The following RNF4 variants were observed in gnomAD, a reference collection of about 807,000 sequenced individuals.
RNF4 encodes the protein E3 ubiquitin-protein ligase RNF4.
A neutral mutation model predicts 24.3 loss-of-function variants in RNF4; 7 were observed. The observed-to-expected ratio is 0.29, with a 90% CI of 0.16 to 0.54. RNF4 has a LOEUF of 0.54. Ranked by LOEUF, RNF4 falls within the 20% of genes least tolerant of loss-of-function variation. The pLI, the probability that RNF4 is intolerant of heterozygous loss-of-function variation, is 0.95. For synonymous variants in RNF4, 83 were observed against 84.3 expected, an observed-to-expected ratio of 0.98 and a Z score of 0.09; for missense variants, 209 against 248.5, an observed-to-expected ratio of 0.84 and a Z score of 1.07.
At chr4:2,497,365 A>C in intron 3 of RNF4, 13 of 313,620 alleles carry the variant, frequency 4.1e-5, no homozygotes, top group East Asian at 1.7e-4. Context: ...CGCAAATGAG[A>C]TAGCCCACCT....
At position 2,514,448 on chromosome 4, in the gene RNF4, AT is replaced by A. The variant is rs1280613754; in HGVS notation, c.*631del. On this transcript the variant is annotated 3_prime_UTR_variant, in exon 8 of 8. Transcript: ENST00000314289. ...AGAACGAAAAAGTGCAATAAAGGCCATTCGTTACCTACTTTTCAGCAGCCCA... is the reference window on the plus strand; with the variant it reads ...AGAACGAAAAAGTGCAATAAAGGCCATCGTTACCTACTTTTCAGCAGCCCA... The A allele has an allele frequency of 3.9e-5, 6 of 154,634 alleles. No homozygotes were observed. Among genetic ancestry groups the A allele is most frequent in the Non-Finnish European group, 7.2e-5 (5 of 69,382 alleles). 9.6% of individuals were successfully genotyped at this position (154,634 alleles called of 1,614,324 possible).
At chr4:2,482,110 TAGA>T (rs1190595310) in intron 1 of RNF4, among the ~76,000 whole-genome samples, 1 of 152,174 alleles carries the variant, frequency 6.6e-6, no homozygotes, top group East Asian at 1.9e-4. Flanking sequence ...TGACTAAGAG[TAGA>T]AGAACATGTC....
chr4:2,515,059 G>A lies in RNF4; in HGVS notation c.*1240G>A, dbSNP rs1203525827. 1 of 4,856 alleles carries A rather than the reference G, an allele frequency of 2.1e-4. No homozygotes were observed. The highest frequency in any genetic ancestry group is 1.1e-3 in the Non-Finnish European group (1 of 902). 0.3% of individuals were successfully genotyped at this position (4,856 alleles called of 1,614,324 possible). On this transcript the variant is annotated 3_prime_UTR_variant, in exon 8 of 8. Coordinates refer to ENST00000314289, the MANE Select transcript of RNF4 (RefSeq NM_002938.5). ...GCTGCCCCTGACAGCACAGGGCCTGGGGGGTGGCTAACGAGAGAGGCCTTA... is the reference window on the plus strand; with the variant it reads ...GCTGCCCCTGACAGCACAGGGCCTGAGGGGTGGCTAACGAGAGAGGCCTTA...
At chr4:2,475,862 G>GT (rs1735055042) in intron 1 of RNF4, among the ~76,000 whole-genome samples, 1 of 152,160 alleles carries the variant, frequency 6.6e-6, no homozygotes, top group Non-Finnish European at 1.5e-5. Context: ...CACACAATTA[G>GT]TAAGCAGAGC....
At chr4:2,500,821 A>G (rs1253618177) in intron 4 of RNF4, 83 bp downstream of exon 4, 36 of 1,304,966 alleles carry the variant, frequency 2.8e-5, no homozygotes, top group Non-Finnish European at 3.4e-5. Flanking sequence ...TTGGTCACAG[A>G]CTCCAAGTCA....
Position 2,515,635 on chromosome 4 carries a change from C to A in RNF4, c.*1816C>A, listed in dbSNP as rs1736395062. ...AATTATAAAAGTTGTGTTACTTCGT[C>A]CTAAATTAAATTGATAGAAAGATTT... On this transcript the variant is annotated 3_prime_UTR_variant, in exon 8 of 8. Coordinates refer to ENST00000314289, the MANE Select transcript of RNF4 (RefSeq NM_002938.5). The A allele has an allele frequency of 6.6e-6, 1 of 152,504 alleles. No homozygotes were observed. The highest frequency in any genetic ancestry group is 1.5e-5 in the Non-Finnish European group (1 of 68,044). The allele number at this position is 152,504 out of a possible 1,614,324, so 9.4% of individuals were successfully genotyped here.
chr4:2,490,265 C>T (rs775083674), intron 1 of RNF4, 72 bp from the exon 2 acceptor site: 6 of 547,046 alleles, frequency 1.1e-5, no homozygotes, highest in Admixed American at 3.1e-5. Context: ...AGGACCAGTA[C>T]ATTATTGAGC....
intron 3 of RNF4, among the ~76,000 whole-genome samples, chr4:2,497,549 C>T (rs1032631417): frequency 1.3e-5 from 2 of 152,198 alleles, no homozygotes; most frequent in African/African-American, 4.8e-5. Flanking sequence ...TCTGCCTGCT[C>T]AAGAAGTGGT....
At chr4:2,505,359 T>C (rs1311588645) in intron 4 of RNF4, 1 of 149,958 alleles carries the variant, frequency 6.7e-6, no homozygotes, top group South Asian at 2.1e-4. Flanking sequence ...GGAGTCTCGC[T>C]CTGTTGCCCA....
chr4:2,476,939 G>C (rs917668953), intron 1 of RNF4, among the ~76,000 whole-genome samples: 1 of 151,424 alleles, frequency 6.6e-6, no homozygotes, highest in Admixed American at 6.6e-5. Context: ...GCAGCACCAC[G>C]TCTAGCTCAT....
chr4:2,487,307 A>T (rs922101183), intron 1 of RNF4, among the ~76,000 whole-genome samples: 2 of 151,506 alleles, frequency 1.3e-5, no homozygotes, highest in Non-Finnish European at 2.9e-5. Flanking sequence ...ATTTTTTGAG[A>T]CAGAGTCTCT....
intron 1 of RNF4, among the ~76,000 whole-genome samples, chr4:2,476,832 C>T (rs565278623): frequency 1.4e-3 from 199 of 145,086 alleles, no homozygotes; most frequent in Admixed American, 3.8e-3. Flanking sequence ...TTTTTAAAGA[C>T]AGAATCTTGT....
At chr4:2,502,200 T>TTTTTTTG (rs546944048) in intron 4 of RNF4, among the ~76,000 whole-genome samples, 6 of 152,280 alleles carry the variant, frequency 3.9e-5, no homozygotes, top group East Asian at 3.9e-4. Context: ...TCTGCAGAAG[T>TTTTTTTG]TTTTTTGTTT....
chr4:2,495,648 G>GGT (rs58255358), intron 2 of RNF4, among the ~76,000 whole-genome samples: 1 of 147,436 alleles, frequency 6.8e-6, no homozygotes, highest in Non-Finnish European at 1.5e-5. Flanking sequence ...TTGGGGGGGG[G>GGT]TGAGATGGAG....
intron 4 of RNF4, among the ~76,000 whole-genome samples, chr4:2,509,734 G>A (rs1164147771): frequency 6.6e-6 from 1 of 152,120 alleles, no homozygotes; most frequent in East Asian, 1.9e-4. Context: ...GGCAAGCTGG[G>A]TATGACTCAC....
chr4:2,482,527 T>G (rs1309815340), intron 1 of RNF4, among the ~76,000 whole-genome samples: 1 of 152,200 alleles, frequency 6.6e-6, no homozygotes, highest in African/African-American at 2.4e-5. Context: ...TTCTCCTGGC[T>G]CCCAGAAATT....
intron 2 of RNF4, among the ~76,000 whole-genome samples, chr4:2,492,540 G>T (rs1212601336): frequency 6.6e-6 from 1 of 152,246 alleles, no homozygotes; most frequent in African/African-American, 2.4e-5. Flanking sequence ...AGACAGACCA[G>T]ATGTGAAATA....
chr4:2,504,724 G>GTTTTTTTT lies in RNF4; in HGVS notation c.204+3987_204+3988insTTTTTTTT, dbSNP rs1433568747. ...CGCCACCATGCCCGGCTCATTTTTT[G>GTTTTTTTT]TATTTTTTTTTTTTTTTTTTTTTGA... On this transcript the variant is annotated intron_variant, in intron 4 of 7. Coordinates refer to ENST00000314289, the MANE Select transcript of RNF4 (RefSeq NM_002938.5). 8.7e-5 allele frequency among the ~76,000 whole-genome samples: 5 copies of GTTTTTTTT among 57,400 alleles called. No homozygotes were observed. In the East Asian group the frequency reaches 1.8e-3, roughly 21 times the overall value. 37.7% of individuals were successfully genotyped at this position (57,400 alleles called of 152,430 possible).
At chr4:2,486,288 C>G (rs1735405708) in intron 1 of RNF4, among the ~76,000 whole-genome samples, 1 of 152,204 alleles carries the variant, frequency 6.6e-6, no homozygotes, top group Admixed American at 6.5e-5. Flanking sequence ...ATTGGACTCT[C>G]ACCTGCATGA....
Sources: gnomAD v4.1 joint callset for allele counts (sites outside exome capture counted in the v4.1 genomes callset) on GRCh38, gnomAD v4.1.1 for gene constraint, MANE v1.5 for transcripts, NCBI Gene and HGNC (gene_info 2026-07-23, HGNC 2026-07-21) for gene names.